Variants in ART3 observed in about 807,000 individuals in gnomAD.
The protein encoded by ART3 is ADP-ribosyltransferase 3 (inactive).
In ART3, 49 loss-of-function variants were observed where a neutral mutation model predicts 48.5. The ratio of observed to expected loss-of-function variants is 1.01; its 90% confidence interval spans 0.80 to 1.28. The LOEUF (loss-of-function observed/expected upper bound fraction) is 1.28. ART3 is among the 50% of genes most tolerant of loss of function. ART3 has a pLI of 0.00. For synonymous variants in ART3, 145 were observed against 157.2 expected, an observed-to-expected ratio of 0.92 and a Z score of 0.58; for missense variants, 438 against 454.3, an observed-to-expected ratio of 0.96 and a Z score of 0.33.
At chr4:76,103,330 A>G (rs1380437499) in intron 8 of ART3, among the ~76,000 whole-genome samples, 2 of 152,006 alleles carry the variant, frequency 1.3e-5, no homozygotes, top group Admixed American at 6.6e-5. Context: ...GTACCCCACC[A>G]CAGCCTGAGC....
At chr4:76,073,688 C>T (rs774730609), upstream of ART3, among the ~76,000 whole-genome samples, 3 of 152,194 alleles carry the variant, frequency 2.0e-5, no homozygotes, top group Non-Finnish European at 4.4e-5. Flanking sequence ...TCAGATGCTC[C>T]TCTGTGCCCT....
chr4:76,013,924 A>T (rs1344603654), intron 1 of ART3, among the ~76,000 whole-genome samples: 2 of 152,196 alleles, frequency 1.3e-5, no homozygotes, highest in African/African-American at 4.8e-5. Flanking sequence ...CCTTTTTAAG[A>T]CCACTTGTCA....
At chr4:76,040,182 G>A (rs1167667221) in intron 1 of ART3, among the ~76,000 whole-genome samples, 53 of 152,014 alleles carry the variant, frequency 3.5e-4, no homozygotes, top group Admixed American at 2.2e-3. Flanking sequence ...AAAATCAGCT[G>A]GGTATGGTGG....
chr4:76,051,739 G>A (rs572083667), intron 1 of ART3, among the ~76,000 whole-genome samples: 3 of 152,016 alleles, frequency 2.0e-5, no homozygotes, highest in Admixed American at 1.3e-4. Flanking sequence ...TTGGGGTTTC[G>A]CCATGTTGCC....
At chr4:76,045,987 C>G (rs564735516) in intron 1 of ART3, among the ~76,000 whole-genome samples, 2 of 152,106 alleles carry the variant, frequency 1.3e-5, no homozygotes, top group African/African-American at 4.8e-5. Flanking sequence ...GACCTAGACA[C>G]CTTGTACCCT....
At chr4:76,070,867 C>T (rs964695303), upstream of ART3, among the ~76,000 whole-genome samples, 31 of 152,098 alleles carry the variant, frequency 2.0e-4, 1 homozygote, top group Non-Finnish European at 2.2e-4. Flanking sequence ...TGCCTTTCCT[C>T]CTGTTCATAT....
intron 1 of ART3, among the ~76,000 whole-genome samples, chr4:76,029,929 T>G (rs1482886572): frequency 1.3e-5 from 2 of 152,114 alleles, no homozygotes; most frequent in East Asian, 3.8e-4. Flanking sequence ...CCCCCTCATA[T>G]CCCTATTTCT....
chr4:76,080,574 A>G (rs1722233948), intron 2 of ART3, among the ~76,000 whole-genome samples: 3 of 152,038 alleles, frequency 2.0e-5, no homozygotes, highest in African/African-American at 7.2e-5. Context: ...GCTGTGGTGC[A>G]GTCTCCGCTC....
chr4:76,013,376 T>C (rs1731976234), intron 1 of ART3, among the ~76,000 whole-genome samples: 3 of 152,130 alleles, frequency 2.0e-5, no homozygotes, highest in Admixed American at 2.0e-4. Context: ...TGTGAATCTC[T>C]ATGTGGGGAG....
intron 1 of ART3, among the ~76,000 whole-genome samples, chr4:76,019,482 AGCAAT>A: frequency 3.2e-5 from 1 of 30,894 alleles, no homozygotes; most frequent in African/African-American, 1.3e-4. Context: ...CTGATAAAAA[AGCAAT>A]TCTTGGCTGG....
chr4:76,098,983 C>T lies in ART3; in HGVS notation c.843C>T (p.Asn281=), dbSNP rs1726650087. The T allele has an allele frequency of 1.1e-5, 18 of 1,608,664 alleles. 1 individual carries two copies. Among genetic ancestry groups the T allele is most frequent in the Middle Eastern group, 3.3e-4 (2 of 6,048 alleles). ...LEYFQPIYVY[N]PGEKNQKLED... ...ATTTTCAACCCATCTATGTCTACAA[C>T]CCTGGTGAGTATGTTCTAATTTTTA... The change falls in exon 5 of 12, where the codon AAC becomes AAT. Residue 281 remains asparagine (N), a synonymous_variant. Transcript: ENST00000355810.
At chr4:76,055,754 A>T (rs1472158987) in intron 1 of ART3, among the ~76,000 whole-genome samples, 1 of 152,216 alleles carries the variant, frequency 6.6e-6, no homozygotes, top group Non-Finnish European at 1.5e-5. Context: ...TTTACATTTC[A>T]TTGAATAACA....
intron 1 of ART3, among the ~76,000 whole-genome samples, chr4:76,039,692 T>G (rs1734767257): frequency 6.6e-6 from 1 of 152,268 alleles, no homozygotes; most frequent in African/African-American, 2.4e-5. Flanking sequence ...GCTAAAGTGT[T>G]GTCATATAGC....
At chr4:76,015,218 A>G (rs564934148) in intron 1 of ART3, among the ~76,000 whole-genome samples, 5 of 152,340 alleles carry the variant, frequency 3.3e-5, no homozygotes, top group African/African-American at 9.6e-5. Flanking sequence ...GCATAAAACC[A>G]TAATTATAAA....
At chr4:76,040,194 G>A (rs898768331) in intron 1 of ART3, among the ~76,000 whole-genome samples, 11 of 152,006 alleles carry the variant, frequency 7.2e-5, no homozygotes, top group South Asian at 4.2e-4. Flanking sequence ...GTATGGTGGC[G>A]CATGCCTGTA....
intron 3 of ART3, among the ~76,000 whole-genome samples, chr4:76,082,937 T>G (rs35727907): frequency 0.075 from 10,976 of 145,756 alleles, 538 homozygotes; most frequent in South Asian, 0.17. Flanking sequence ...CCCAAAATGT[T>G]GGTAGTGCTG....
rs1722193231 is a variant in ART3, at chr4:76,080,402, A to G, written c.70-1422A>G. Among the ~76,000 whole-genome samples, 6 of 152,218 alleles carry G rather than the reference A, an allele frequency of 3.9e-5. No homozygotes were observed. In the South Asian group the frequency reaches 1.2e-3, roughly 32 times the overall value. On this transcript the variant is annotated intron_variant, in intron 2 of 11. Coordinates refer to ENST00000355810, the MANE Select transcript of ART3 (RefSeq NM_001130016.3). Reference sequence around the variant, plus strand: ...AACCACGGCATGTTAAAGACTTGATATGTGCCAGGCATGGGGCAGAGGGCT... The same window carrying G: ...AACCACGGCATGTTAAAGACTTGATGTGTGCCAGGCATGGGGCAGAGGGCT...
chr4:76,017,288 T>C (rs1578190997), intron 1 of ART3, among the ~76,000 whole-genome samples: 1 of 151,852 alleles, frequency 6.6e-6, no homozygotes, highest in Non-Finnish European at 1.5e-5. Context: ...AGTCAGCAGG[T>C]GATGAATCCT....
chr4:76,056,353 C>T (rs2149469636), intron 1 of ART3, among the ~76,000 whole-genome samples: 1 of 152,238 alleles, frequency 6.6e-6, no homozygotes, highest in African/African-American at 2.4e-5. Context: ...TTACCTCTAC[C>T]TGTGGGGTCT....
Sources: gnomAD v4.1 joint callset for allele counts (sites outside exome capture counted in the v4.1 genomes callset) on GRCh38, gnomAD v4.1.1 for gene constraint, MANE v1.5 for transcripts, NCBI Gene and HGNC (gene_info 2026-07-23, HGNC 2026-07-21) for gene names.